MACROH2A1: variants seen among roughly 807,000 people sequenced by gnomAD.
MACROH2A1 encodes the protein macroH2A.1 histone.
Under a neutral mutation model 31.6 loss-of-function variants are expected in MACROH2A1, and 2 were observed. The observed-to-expected ratio is 0.06, with a 90% confidence interval of 0.03 to 0.20. The LOEUF (loss-of-function observed/expected upper bound fraction) is 0.20, where lower values mean the gene tolerates loss of function less well. Among genes scored for constraint, MACROH2A1 ranks in the 10% least tolerant of loss-of-function variants. The probability of loss-of-function intolerance (pLI) is 1.00; values close to 1 mark genes in which losing one functional copy is unlikely to be tolerated. For missense variants in MACROH2A1, 230 were observed against 474.0 expected (o/e 0.49, Z 4.78); for synonymous variants, 169 against 189.6 (o/e 0.89, Z 0.89).
intron 1 of MACROH2A1, among the ~76,000 whole-genome samples, chr5:135,395,785 C>T (rs997974260): frequency 6.6e-6 from 1 of 152,138 alleles, no homozygotes; most frequent in Non-Finnish European, 1.5e-5. Context: ...GGAAAAATAT[C>T]TCTCTCCATT....
Position 135,369,984 on chromosome 5 carries a change from G to A in MACROH2A1, c.279+52C>T. ...CAAAGCCTCTCAGCTATGTTTCTTG[G>A]GCAGTATGACCACCTGCTCAAACAT... On this transcript the variant is annotated intron_variant, in intron 3 of 8. Coordinates refer to ENST00000511689, the MANE Select transcript of MACROH2A1 (RefSeq NM_138610.3). The surrounding 1 kb of genome is among the most constrained non-coding windows in gnomAD (Gnocchi z 4.3). 1 of 1,168,890 alleles carries A rather than the reference G, an allele frequency of 8.6e-7. No individual in the cohort carries two copies. Among genetic ancestry groups the A allele is most frequent in the Non-Finnish European group, 1.3e-6 (1 of 784,032 alleles). The allele number at this position is 1,168,890 out of a possible 1,614,324, so 72.4% of individuals were successfully genotyped here. A position where few individuals can be genotyped will look rare whatever the true frequency, so the allele number is the denominator to read the frequency against.
At chr5:135,379,199 G>A (rs926865533) in intron 2 of MACROH2A1, among the ~76,000 whole-genome samples, 5 of 152,182 alleles carry the variant, frequency 3.3e-5, no homozygotes, top group Admixed American at 2.0e-4. Flanking sequence ...AAATCCCAGA[G>A]TGTCCCCTGT....
At position 135,358,858 on chromosome 5, in the gene MACROH2A1, TG is replaced by T. The variant is rs556064066; in HGVS notation, c.588+1638del. 1,919 of 985,064 alleles carry T rather than the reference TG, an allele frequency of 1.9e-3. 4 individuals are homozygous for T. Among genetic ancestry groups the T allele is most frequent in the Non-Finnish European group, 1.9e-3 (1,596 of 829,650 alleles). The allele number at this position is 985,064 out of a possible 1,614,324, so 61.0% of individuals were successfully genotyped here. ...TGTGATGCCTGGCCCTGAGACCAGA[TG>T]TATCTGAAAAGGAAGAGTTGAGTTG... is the stretch of plus-strand genomic sequence containing the variant. On this transcript the variant is annotated intron_variant, in intron 5 of 8. Coordinates refer to ENST00000511689, the MANE Select transcript of MACROH2A1 (RefSeq NM_138610.3).
intron 8 of MACROH2A1, among the ~76,000 whole-genome samples, chr5:135,342,152 G>A (rs1759999694): frequency 6.6e-6 from 1 of 152,224 alleles, no homozygotes; most frequent in African/African-American, 2.4e-5. Context: ...TTAGACCCTT[G>A]GTAGGGAGGA....
chr5:135,379,303 A>G (rs1294395232), intron 2 of MACROH2A1, among the ~76,000 whole-genome samples: 1 of 152,148 alleles, frequency 6.6e-6, no homozygotes, highest in Non-Finnish European at 1.5e-5. Context: ...GTGCCAGGGA[A>G]CCCACATGTT....
intron 5 of MACROH2A1, chr5:135,358,315 C>T: frequency 2.0e-6 from 2 of 985,370 alleles, no homozygotes; most frequent in Non-Finnish European, 2.4e-6. Flanking sequence ...AACACTGGTG[C>T]TTAGGCTGAC....
intron 5 of MACROH2A1, chr5:135,355,203 G>A: frequency 2.2e-6 from 1 of 456,046 alleles, no homozygotes; most frequent in African/African-American, 2.0e-5. Flanking sequence ...GGGATTCTCT[G>A]GGGGAAACTT....
rs57605717 is a variant in MACROH2A1, at chr5:135,351,543, A to ATTTTTTTTTTTTTTTTTTTTTTTTTTTT, written c.688+1375_688+1402dup. The ATTTTTTTTTTTTTTTTTTTTTTTTTTTT allele has an allele frequency of 6.2e-5, 3 of 48,498 alleles. 1 individual carries two copies. Among genetic ancestry groups the ATTTTTTTTTTTTTTTTTTTTTTTTTTTT allele is most frequent in the Non-Finnish European group, 1.2e-4 (3 of 24,962 alleles). 3.0% of individuals were successfully genotyped at this position (48,498 alleles called of 1,614,324 possible). The stretch of plus-strand genomic sequence containing the variant: ...TAGCCTATCTTATTTTTATGGTTTA[A>ATTTTTTTTTTTTTTTTTTTTTTTTTTTT]TTTTTTTTTTTTTTTTTTTTTTTTT... On this transcript the variant is annotated intron_variant, in intron 6 of 8. Coordinates refer to ENST00000511689, the MANE Select transcript of MACROH2A1 (RefSeq NM_138610.3).
At chr5:135,383,205 G>A (rs1306637100) in intron 2 of MACROH2A1, among the ~76,000 whole-genome samples, 1 of 152,196 alleles carries the variant, frequency 6.6e-6, no homozygotes, top group Admixed American at 6.5e-5. Context: ...TATTCCCCAG[G>A]GAGACTGAAG....
chr5:135,368,138 A>G (rs1763749329), intron 4 of MACROH2A1, among the ~76,000 whole-genome samples: 1 of 151,700 alleles, frequency 6.6e-6, no homozygotes, highest in Non-Finnish European at 1.5e-5. Flanking sequence ...AGGAATTTAG[A>G]TTTTGTGCAT....
chr5:135,375,258 C>T (rs544850065), intron 2 of MACROH2A1, among the ~76,000 whole-genome samples: 2 of 152,364 alleles, frequency 1.3e-5, no homozygotes, highest in African/African-American at 4.8e-5. Context: ...CTCCTCAGAG[C>T]TGCAAGCCCT....
chr5:135,370,912 G>A (rs144105809), intron 2 of MACROH2A1, among the ~76,000 whole-genome samples: 2,244 of 152,300 alleles, frequency 0.015, 32 homozygotes, highest in Non-Finnish European at 0.026. Context: ...CCATTCTGTA[G>A]GGAGCATCCT....
At chr5:135,378,689 A>G (rs1765241210) in intron 2 of MACROH2A1, among the ~76,000 whole-genome samples, 1 of 152,130 alleles carries the variant, frequency 6.6e-6, no homozygotes, top group Admixed American at 6.5e-5. Flanking sequence ...TAAACTCTGA[A>G]CCTCAATTTA....
chr5:135,335,207 T>C lies in MACROH2A1; in HGVS notation c.954-66A>G, dbSNP rs558130334. 2.8e-4 allele frequency: 334 copies of C among 1,205,076 alleles called. No individual in the cohort carries two copies. The African/African-American group carries it at 4.6e-3, about 17-fold the overall frequency. 74.6% of individuals were successfully genotyped at this position (1,205,076 alleles called of 1,614,324 possible). ...CGGGGGCTGCAGGACCTGCCCCACCTTACAGGCCACCTCCCTCTGTGCTGC... is the reference window on the plus strand; with the variant it reads ...CGGGGGCTGCAGGACCTGCCCCACCCTACAGGCCACCTCCCTCTGTGCTGC... On this transcript the variant is annotated intron_variant, in intron 8 of 8. Transcript: ENST00000511689.
chr5:135,362,184 T>C lies in MACROH2A1; in HGVS notation c.478-1577A>G, dbSNP rs1346141953. 5 of 152,236 alleles carry C rather than the reference T, an allele frequency of 3.3e-5. 1 individual carries two copies. The highest frequency in any genetic ancestry group is 3.3e-4 in the Admixed American group (5 of 15,288). The allele number at this position is 152,236 out of a possible 1,614,324, so 9.4% of individuals were successfully genotyped here. A position where few individuals can be genotyped will look rare whatever the true frequency, so the allele number is the denominator to read the frequency against. On this transcript the variant is annotated intron_variant, in intron 4 of 8. Coordinates refer to ENST00000511689, the MANE Select transcript of MACROH2A1 (RefSeq NM_138610.3). Reference sequence around the variant, plus strand: ...TGTGCTTTCAACAAAACTGAAGCAATACCTAATTGAGTTAACAGCTGATAG... The same window carrying C: ...TGTGCTTTCAACAAAACTGAAGCAACACCTAATTGAGTTAACAGCTGATAG...
At chr5:135,395,699 C>T (rs1262176957) in intron 1 of MACROH2A1, among the ~76,000 whole-genome samples, 2 of 152,216 alleles carry the variant, frequency 1.3e-5, no homozygotes, top group Non-Finnish European at 2.9e-5. Context: ...ACAACCATTG[C>T]TCACAGAGCT....
At chr5:135,378,666 T>C (rs1158479436) in intron 2 of MACROH2A1, among the ~76,000 whole-genome samples, 1 of 152,100 alleles carries the variant, frequency 6.6e-6, no homozygotes, top group Admixed American at 6.5e-5. Flanking sequence ...TGTGTGATTT[T>C]GGAGAAGTTA....
intron 4 of MACROH2A1, among the ~76,000 whole-genome samples, chr5:135,366,563 G>A (rs955051384): frequency 6.6e-6 from 1 of 151,588 alleles, no homozygotes; most frequent in Non-Finnish European, 1.5e-5. Context: ...TAAAATAGGG[G>A]GCTCATACGA....
At chr5:135,393,596 A>G (rs1000251568) in intron 1 of MACROH2A1, among the ~76,000 whole-genome samples, 2 of 152,236 alleles carry the variant, frequency 1.3e-5, no homozygotes, top group African/African-American at 4.8e-5. Context: ...GTCACAGGAG[A>G]ACAGCTATAC....
Sources: gnomAD v4.1 joint callset for allele counts (sites outside exome capture counted in the v4.1 genomes callset) on GRCh38, gnomAD v4.1.1 for gene constraint, Gnocchi (gnomAD v3.1) non-coding constraint, MANE v1.5 for transcripts, NCBI Gene and HGNC (gene_info 2026-07-23, HGNC 2026-07-21) for gene names.